CSPG4: variants seen among roughly 807,000 people sequenced by gnomAD.
The protein encoded by CSPG4 is chondroitin sulfate proteoglycan 4, also known as chondroitin sulfate proteoglycan 4 (melanoma-associated).
Under a neutral mutation model 139.3 loss-of-function variants are expected in CSPG4, and 74 were observed. That is an observed-to-expected ratio of 0.53 (90% CI 0.44 to 0.64). The LOEUF (loss-of-function observed/expected upper bound fraction) is 0.64. Among genes scored for constraint, CSPG4 ranks in the 30% least tolerant of loss-of-function variants. The pLI is 0.00. For missense variants in CSPG4, 2,565 were observed against 3,148.3 expected, an observed-to-expected ratio of 0.81 and a Z score of 4.43; for synonymous variants, 1,234 against 1,394.2, an observed-to-expected ratio of 0.89 and a Z score of 2.56.
chr15:75,685,729 C>G (rs758363995), intron 3 of CSPG4, 28 bp from the exon 4 acceptor site: 74 of 1,559,008 alleles, frequency 4.7e-5, no homozygotes, highest in Non-Finnish European at 6.2e-5. Flanking sequence ...CAAGGACTCA[C>G]AGGGGGCCAC....
rs757093383 is a variant in CSPG4, at chr15:75,684,757, G to A, written c.4428C>T (p.Leu1476=). 1.9e-6 allele frequency: 3 copies of A among 1,613,770 alleles called. No homozygotes were observed. The highest frequency in any genetic ancestry group is 3.3e-5 in the Admixed American group (2 of 60,012). Residue 1476 remains leucine (L), a synonymous_variant, in exon 5 of 10, where the codon CTC becomes CTT. Transcript: ENST00000308508. ...TCACCTGCAGGCCTGTGTTTGTAGT[G>A]AGGATGGGGGGTTGGTCATTGACAG... ...VLPVNDQPPI[L]TTNTGLQMWE...
chr15:75,689,350 G>A lies in CSPG4; in HGVS notation c.1715C>T (p.Pro572Leu), dbSNP rs754685890. The A allele has an allele frequency of 3.8e-5, 61 of 1,611,700 alleles. No homozygotes were observed. The highest frequency in any genetic ancestry group is 2.5e-4 in the South Asian group (23 of 91,036). ...LMVILEHTQKPLGPEVFQAYD... is the reference protein window; with the variant it reads ...LMVILEHTQKLLGPEVFQAYD... The stretch of plus-strand genomic sequence containing the variant: ...GGCCTGGAAAACCTCAGGCCCCAGC[G>A]GCTTCTGCGTGTGTTCCAGGATCAC... Residue 572 changes from proline to leucine, a missense_variant, in exon 3 of 10, where the codon CCG becomes CTG. Pro to Leu is a moderately conservative substitution (Grantham distance 98). Coordinates refer to ENST00000308508, the MANE Select transcript of CSPG4 (RefSeq NM_001897.5).
chr15:75,688,109 A>G lies in CSPG4; in HGVS notation c.2956T>C (p.Phe986Leu). ...DSETTEDDIP[F>L]VATRQGESSG... is the part of the protein sequence containing the mutation. ...CTCTCGCCCTGGCGGGTAGCAACAA[A>G]TGGGATATCATCTTCTGTGGTCTCG... The change falls in exon 3 of 10, where the codon TTT (phenylalanine) becomes CTT (leucine). Residue 986 changes from phenylalanine (F) to leucine (L), a missense_variant. By Grantham distance (22) the Phe-to-Leu change is conservative. Transcript: ENST00000308508. 1 of 1,612,760 alleles carries G rather than the reference A, an allele frequency of 6.2e-7. No homozygotes were observed.
At position 75,689,823 on chromosome 15, in the gene CSPG4, T is replaced by C. The variant is rs754577310; in HGVS notation, c.1242A>G (p.Pro414=). 16 of 1,612,616 alleles carry C rather than the reference T, an allele frequency of 9.9e-6. No homozygotes were observed. In the East Asian group the frequency reaches 3.3e-4, roughly 34 times the overall value. The change falls in exon 3 of 10, where the codon CCA becomes CCG. Residue 414 remains proline, a synonymous_variant. Coordinates refer to ENST00000308508, the MANE Select transcript of CSPG4 (RefSeq NM_001897.5). ...GAGGCAGCCCTGGCTCAGGCACGCA[T>C]GGCTCAGGCAGCTCCATGGCTGGCC... ...EAWPAMELPE[P]CVPEPGLPPV...
intron 8 of CSPG4, chr15:75,679,063 A>G: frequency 3.8e-6 from 1 of 263,912 alleles, no homozygotes; most frequent in Non-Finnish European, 7.5e-6. Context: ...ATGAGTCCTT[A>G]TTCAGTCTCC....
chr15:75,675,325 C>G lies in CSPG4; in HGVS notation c.*225G>C, dbSNP rs1893873586. ...GAACTTAAGCCTGCCTCCACCTTGG[C>G]CCCTGCAGTTCTCCAGGCTCGGAGT... is the stretch of plus-strand genomic sequence containing the variant. On this transcript the variant is annotated 3_prime_UTR_variant, in exon 10 of 10. Coordinates refer to ENST00000308508, the MANE Select transcript of CSPG4 (RefSeq NM_001897.5). 1.2e-5 allele frequency: 5 copies of G among 422,534 alleles called. No homozygotes were observed. Among genetic ancestry groups the G allele is most frequent in the Non-Finnish European group, 2.0e-5 (5 of 250,626 alleles). 26.2% of individuals were successfully genotyped at this position (422,534 alleles called of 1,614,324 possible).
intron 1 of CSPG4, among the ~76,000 whole-genome samples, chr15:75,702,878 C>T (rs1377603686): frequency 6.6e-6 from 1 of 150,592 alleles, no homozygotes. Flanking sequence ...GGAGGTGGGG[C>T]CATTCCCAGG....
chr15:75,676,488 C>T lies in CSPG4; in HGVS notation c.6031G>A (p.Val2011Ile), dbSNP rs753470877. The change falls in exon 10 of 10, where the codon GTC becomes ATC. Residue 2011 changes from valine to isoleucine, a missense_variant. Coordinates refer to ENST00000308508, the MANE Select transcript of CSPG4 (RefSeq NM_001897.5). ...GAGGAGAAGTTGGTGAAGGCAAAGA[C>T]CACCTCGCCCTGGTCTATCTGGAAT... ...SQFQIDQGEV[V>I]FAFTNFSSSH... The T allele has an allele frequency of 6.2e-7, 1 of 1,613,992 alleles. No homozygotes were observed. Among genetic ancestry groups the T allele is most frequent in the Non-Finnish European group, 8.5e-7 (1 of 1,180,018 alleles).
chr15:75,678,033 C>T, intron 8 of CSPG4, 147 bp from the exon 9 acceptor site: 1 of 697,056 alleles, frequency 1.4e-6, no homozygotes, highest in Non-Finnish European at 2.3e-6. Flanking sequence ...CTCACTAACT[C>T]ACTGGGTCAC....
At chr15:75,701,384 T>G (rs1461816184) in intron 1 of CSPG4, among the ~76,000 whole-genome samples, 1 of 152,196 alleles carries the variant, frequency 6.6e-6, no homozygotes, top group African/African-American at 2.4e-5. Context: ...GTCCCAGCAC[T>G]GGTGGTGCTC....
At chr15:75,705,480 T>C (rs1894358101) in intron 1 of CSPG4, among the ~76,000 whole-genome samples, 1 of 152,238 alleles carries the variant, frequency 6.6e-6, no homozygotes, top group African/African-American at 2.4e-5. Context: ...CACCGAGCAT[T>C]GATTCCAGGC....
At position 75,688,911 on chromosome 15, in the gene CSPG4, A is replaced by C. The variant is rs1894109345; in HGVS notation, c.2154T>G (p.Gly718=). 6.2e-7 allele frequency: 1 copy of C among 1,612,052 alleles called. No homozygotes were observed. The highest frequency in any genetic ancestry group is 1.3e-5 in the African/African-American group (1 of 74,834). Residue 718 remains glycine (G), a synonymous_variant, in exon 3 of 10, where the codon GGT becomes GGG. Coordinates refer to ENST00000308508, the MANE Select transcript of CSPG4 (RefSeq NM_001897.5). ...CCCACCACTCAGCACCCTCCACCCC[A>C]CCTGCCCCCTGCTTCTGCAGCTCCC... The part of the protein sequence containing the change: ...QFGELQKQGA[G]GVEGAEWWAT...
chr15:75,695,250 G>T (rs1425512192), intron 1 of CSPG4, among the ~76,000 whole-genome samples: 1 of 152,164 alleles, frequency 6.6e-6, no homozygotes, highest in Non-Finnish European at 1.5e-5. Flanking sequence ...CAACATCAGG[G>T]CTCTGGGCCA....
chr15:75,681,866 C>G (rs979798329), intron 8 of CSPG4, among the ~76,000 whole-genome samples: 15 of 152,202 alleles, frequency 9.9e-5, no homozygotes, highest in Non-Finnish European at 2.9e-5. Context: ...TTGACCTGAG[C>G]CCCAGGCTCA....
At chr15:75,700,745 TC>T (rs1477701998) in intron 1 of CSPG4, among the ~76,000 whole-genome samples, 1 of 151,998 alleles carries the variant, frequency 6.6e-6, no homozygotes, top group Admixed American at 6.6e-5. Flanking sequence ...TCTCGGGGCT[TC>T]CCCAGCCTGG....
chr15:75,695,212 G>A (rs1355393318), intron 1 of CSPG4, among the ~76,000 whole-genome samples: 1 of 152,128 alleles, frequency 6.6e-6, no homozygotes, highest in Non-Finnish European at 1.5e-5. Flanking sequence ...TTGCACTAAA[G>A]GTATATGTAG....
chr15:75,684,768 G>A lies in CSPG4; in HGVS notation c.4417C>T (p.Pro1473Ser), dbSNP rs527348483. The change falls in exon 5 of 10, where the codon CCC becomes TCC. Residue 1473 changes from proline to serine, a missense_variant. This residue lies in a region of CSPG4 where 2,316 missense variants were observed against 2,818.2 expected (regional missense o/e 0.82). Coordinates refer to ENST00000308508, the MANE Select transcript of CSPG4 (RefSeq NM_001897.5). ...CCTGTGTTTGTAGTGAGGATGGGGG[G>A]TTGGTCATTGACAGGCAGGACAGTG... ...TVTVLPVNDQ[P>S]PILTTNTGLQ... The A allele has an allele frequency of 6.2e-7, 1 of 1,613,822 alleles. No homozygotes were observed. The highest frequency in any genetic ancestry group is 1.1e-5 in the South Asian group (1 of 91,074).
Position 75,690,634 on chromosome 15 carries a change from T to C in CSPG4, c.431A>G (p.Tyr144Cys), listed in dbSNP as rs764761107. 7 of 1,611,186 alleles carry C rather than the reference T, an allele frequency of 4.3e-6. No homozygotes were observed. The highest frequency in any genetic ancestry group is 4.0e-5 in the African/African-American group (3 of 74,716). Reference sequence around the variant, plus strand: ...CCCAGTGCCCCCAACAAAGAGCCCATAGGGGACCTCTAGGGGGGCTCCTGG... The same window carrying C: ...CCCAGTGCCCCCAACAAAGAGCCCACAGGGGACCTCTAGGGGGGCTCCTGG... ...AVPGAPLEVP[Y>C]GLFVGGTGTL... Residue 144 changes from tyrosine (Y) to cysteine (C), a missense_variant, in exon 3 of 10, where the codon TAT becomes TGT. Tyr to Cys is a radical substitution (Grantham distance 194). Around this residue, in one of 5 missense-constraint regions of CSPG4, gnomAD observed 132 missense variants for 132.3 expected, o/e 1.00. Coordinates refer to ENST00000308508, the MANE Select transcript of CSPG4 (RefSeq NM_001897.5).
At chr15:75,694,260 C>A (rs1296268691) in intron 1 of CSPG4, among the ~76,000 whole-genome samples, 2 of 152,240 alleles carry the variant, frequency 1.3e-5, no homozygotes, top group Non-Finnish European at 2.9e-5. Flanking sequence ...CATACTGGGA[C>A]TCCTCCTCTT....
Sources: allele counts gnomAD v4.1 joint callset (sites outside exome capture counted in the v4.1 genomes callset), GRCh38; gene constraint gnomAD v4.1.1; regional missense constraint gnomAD v4.1.1; transcripts MANE v1.5; gene names NCBI Gene and HGNC (gene_info 2026-07-23, HGNC 2026-07-21).